Variants in NMNAT2 observed in about 807,000 individuals in gnomAD.
NMNAT2 encodes nicotinamide nucleotide adenylyltransferase 2, also known as nicotinamide/nicotinic acid mononucleotide adenylyltransferase 2.
Under a neutral mutation model 41.6 loss-of-function variants are expected in NMNAT2, and 11 were observed. The ratio of observed to expected loss-of-function variants is 0.26; its 90% CI spans 0.17 to 0.44. NMNAT2 has a LOEUF of 0.44. Among genes scored for constraint, NMNAT2 ranks in the 20% least tolerant of loss-of-function variants. NMNAT2 has a pLI of 1.00. For synonymous variants in NMNAT2, 148 were observed against 151.2 expected (o/e 0.98, Z 0.16); for missense variants, 288 against 407.7 (o/e 0.71, Z 2.53).
intron 4 of NMNAT2, among the ~76,000 whole-genome samples, chr1:183,288,293 T>A (rs964868626): frequency 3.3e-5 from 5 of 152,214 alleles, no homozygotes; most frequent in Non-Finnish European, 7.3e-5. Context: ...TTGTCCCAAG[T>A]CACCTGTTAA....
chr1:183,270,025 A>G (rs1042563812), intron 8 of NMNAT2, among the ~76,000 whole-genome samples: 1 of 152,112 alleles, frequency 6.6e-6, no homozygotes, highest in Non-Finnish European at 1.5e-5. Flanking sequence ...CTGGGACTAC[A>G]GGCACCCGCA....
At chr1:183,374,303 T>C (rs531978283) in intron 1 of NMNAT2, among the ~76,000 whole-genome samples, 2 of 148,456 alleles carry the variant, frequency 1.3e-5, no homozygotes, top group Non-Finnish European at 3.0e-5. Context: ...TGCACCCCCC[T>C]GGCTCTGGGC....
At chr1:183,294,134 G>A (rs1387926348) in intron 1 of NMNAT2, among the ~76,000 whole-genome samples, 2 of 152,142 alleles carry the variant, frequency 1.3e-5, no homozygotes, top group Admixed American at 6.5e-5. Flanking sequence ...ATTGTCACTT[G>A]CAGGAGTTAT....
chr1:183,302,019 T>C (rs74971883), intron 1 of NMNAT2, among the ~76,000 whole-genome samples: 2,232 of 152,346 alleles, frequency 0.015, 18 homozygotes, highest in Non-Finnish European at 0.02. Context: ...ACATTCTAAA[T>C]TTTAGGAAGA....
intron 1 of NMNAT2, among the ~76,000 whole-genome samples, chr1:183,330,306 C>G (rs1451779156): frequency 6.6e-6 from 1 of 152,212 alleles, no homozygotes; most frequent in Admixed American, 6.5e-5. Context: ...TAAATAAAAT[C>G]AAGCAGTCTC....
At chr1:183,418,087 G>A (rs1649305309) in intron 1 of NMNAT2, 96 bp downstream of exon 1, 2 of 1,182,662 alleles carry the variant, frequency 1.7e-6, no homozygotes, top group Non-Finnish European at 2.5e-6. Context: ...CCTCCGAAGG[G>A]GCACACGCCT....
At chr1:183,273,724 C>T (rs1253021386) in intron 8 of NMNAT2, among the ~76,000 whole-genome samples, 1 of 152,000 alleles carries the variant, frequency 6.6e-6, no homozygotes, top group Non-Finnish European at 1.5e-5. Context: ...TTCTTTCTTT[C>T]TCTTTCTTTC....
At position 183,374,973 on chromosome 1, in the gene NMNAT2, G is replaced by A. The variant is rs572925935; in HGVS notation, c.85+43210C>T. On this transcript the variant is annotated intron_variant, in intron 1 of 10. Coordinates refer to ENST00000287713, the MANE Select transcript of NMNAT2 (RefSeq NM_015039.4). ...TAAACATGGTCTGCATTTAGCTTGA[G>A]TGTTGACATTCATCGATCCCTAAAT... 7.9e-5 allele frequency among the ~76,000 whole-genome samples: 12 copies of A among 152,304 alleles called. No homozygotes were observed. In the East Asian group the frequency reaches 2.3e-3, roughly 29 times the overall value.
At chr1:183,329,252 G>C (rs1422253014) in intron 1 of NMNAT2, among the ~76,000 whole-genome samples, 2 of 152,128 alleles carry the variant, frequency 1.3e-5, no homozygotes, top group African/African-American at 4.8e-5. Context: ...GTGTGTGTAT[G>C]TGTGTGTGAA....
At chr1:183,374,641 A>G (rs558752115) in intron 1 of NMNAT2, among the ~76,000 whole-genome samples, 2 of 152,332 alleles carry the variant, frequency 1.3e-5, no homozygotes, top group South Asian at 4.1e-4. Context: ...ACCACATGCA[A>G]GGAAAATAGA....
chr1:183,369,046 G>A (rs531557203), intron 1 of NMNAT2, among the ~76,000 whole-genome samples: 11 of 152,212 alleles, frequency 7.2e-5, no homozygotes, highest in South Asian at 2.1e-4. Flanking sequence ...CCCTTCTCAC[G>A]GCAACTCTGA....
intron 1 of NMNAT2, among the ~76,000 whole-genome samples, chr1:183,356,611 G>A (rs1388589191): frequency 3.9e-5 from 6 of 152,186 alleles, no homozygotes; most frequent in South Asian, 4.1e-4. Context: ...TCCTAGTAAC[G>A]TCATGCCAGG....
At chr1:183,321,756 A>G (rs1662360160) in intron 1 of NMNAT2, among the ~76,000 whole-genome samples, 1 of 151,928 alleles carries the variant, frequency 6.6e-6, no homozygotes, top group Non-Finnish European at 1.5e-5. Flanking sequence ...AAAAAAAGGA[A>G]GAAAAAGAAA....
At chr1:183,389,569 G>A (rs1349208344) in intron 1 of NMNAT2, among the ~76,000 whole-genome samples, 1 of 151,158 alleles carries the variant, frequency 6.6e-6, no homozygotes, top group Non-Finnish European at 1.5e-5. Flanking sequence ...GTGCAAAGTA[G>A]GTATTAAAGA....
chr1:183,249,247 TG>T lies in NMNAT2; in HGVS notation c.*3393del. On this transcript the variant is annotated 3_prime_UTR_variant, in exon 11 of 11. Coordinates refer to ENST00000287713, the MANE Select transcript of NMNAT2 (RefSeq NM_015039.4). ...AAGCAAGAAGGCTCTAGAGGCTGCC[TG>T]GGGTTGGGGGTGTGTGACTGAGGTA... The T allele has an allele frequency of 6.6e-6, 1 of 152,378 alleles. No homozygotes were observed. The highest frequency in any genetic ancestry group is 1.5e-5 in the Non-Finnish European group (1 of 68,096). The allele number at this position is 152,378 out of a possible 1,614,324, so 9.4% of individuals were successfully genotyped here. A position where few individuals can be genotyped will look rare whatever the true frequency, so the allele number is the denominator to read the frequency against.
intron 7 of NMNAT2, 179 bp from the exon 8 acceptor site, chr1:183,278,808 T>A: frequency 1.7e-6 from 1 of 580,286 alleles, no homozygotes; most frequent in African/African-American, 1.9e-5. Context: ...GCTCACCTCT[T>A]CCTCGGGCTC....
chr1:183,290,246 T>C (rs1411270781), intron 3 of NMNAT2, 40 bp from the exon 4 acceptor site: 1 of 1,476,632 alleles, frequency 6.8e-7, no homozygotes, highest in Non-Finnish European at 9.3e-7. Flanking sequence ...GTTTCTGTTC[T>C]CATATTCTTT....
At chr1:183,262,040 C>T (rs1660672488) in intron 8 of NMNAT2, among the ~76,000 whole-genome samples, 1 of 152,068 alleles carries the variant, frequency 6.6e-6, no homozygotes, top group Non-Finnish European at 1.5e-5. Flanking sequence ...ATCTTCCCAC[C>T]TCAGCCTCCC....
chr1:183,343,321 C>T (rs1024806640), intron 1 of NMNAT2, among the ~76,000 whole-genome samples: 2 of 152,202 alleles, frequency 1.3e-5, no homozygotes, highest in Admixed American at 1.3e-4. Context: ...TTCACTCATT[C>T]AACAAATATC....
Sources: gnomAD v4.1 joint callset for allele counts (sites outside exome capture counted in the v4.1 genomes callset) on GRCh38, gnomAD v4.1.1 for gene constraint, MANE v1.5 for transcripts, NCBI Gene and HGNC (gene_info 2026-07-23, HGNC 2026-07-21) for gene names.